The following SYN3 variants were observed in gnomAD, a reference collection of about 807,000 sequenced individuals.
SYN3 encodes the protein synapsin-3.
A neutral mutation model predicts 65.8 loss-of-function variants in SYN3; 35 were observed. The observed-to-expected ratio is 0.53, with a 90% CI of 0.41 to 0.70. The LOEUF (loss-of-function observed/expected upper bound fraction) is 0.70, where lower values mean the gene tolerates loss of function less well. Among genes scored for constraint, SYN3 ranks in the 30% least tolerant of loss-of-function variants. The pLI is 0.00. For synonymous variants in SYN3, 270 were observed against 292.9 expected (o/e 0.92, Z 0.80); for missense variants, 680 against 749.0 (o/e 0.91, Z 1.08).
At chr22:32,956,258 T>A (rs1436119852) in intron 3 of SYN3, among the ~76,000 whole-genome samples, 2 of 150,948 alleles carry the variant, frequency 1.3e-5, no homozygotes, top group African/African-American at 4.9e-5. Context: ...TGGGTTCAAG[T>A]GATTCTCCTG....
intron 7 of SYN3, among the ~76,000 whole-genome samples, chr22:32,562,600 C>T (rs1173838303): frequency 6.6e-6 from 1 of 152,208 alleles, no homozygotes; most frequent in Non-Finnish European, 1.5e-5. Flanking sequence ...CGGCTCTGCC[C>T]CCTGTCAGCA....
intron 7 of SYN3, among the ~76,000 whole-genome samples, chr22:32,589,009 C>T (rs747070772): frequency 8.5e-5 from 13 of 152,104 alleles, no homozygotes; most frequent in South Asian, 2.1e-4. Context: ...CTGAATAGCC[C>T]GCCTCTTAAT....
intron 6 of SYN3, among the ~76,000 whole-genome samples, chr22:32,791,804 A>G (rs1270218373): frequency 6.6e-6 from 1 of 152,048 alleles, no homozygotes; most frequent in African/African-American, 2.4e-5. Flanking sequence ...GTACAAATTA[A>G]TATATGCAAA....
Position 32,632,667 on chromosome 22 carries a change from G to A in SYN3, c.712-35931C>T, listed in dbSNP as rs138917169. ...AAGCTAGGGGCAGAGCAAAGGCCCTGTAGGCATTCAACAGCTGTTTGGCAA... is the reference window on the plus strand; with the variant it reads ...AAGCTAGGGGCAGAGCAAAGGCCCTATAGGCATTCAACAGCTGTTTGGCAA... On this transcript the variant is annotated intron_variant, in intron 6 of 13. Transcript: ENST00000358763. 2.9e-3 allele frequency among the ~76,000 whole-genome samples: 435 copies of A among 152,292 alleles called. No homozygotes were observed. The Middle Eastern group carries it at 0.031, about 11-fold the overall frequency.
In SYN3 at chr22:32,654,017, C is replaced by G. The variant is rs1355964797; in HGVS notation, c.712-57281G>C. Reference sequence around the variant, plus strand: ...CCAACACGTTCTCTGCTTACCTGGACCAGGGACAGAAGAAGATCTTCCTGC... The same window carrying G: ...CCAACACGTTCTCTGCTTACCTGGAGCAGGGACAGAAGAAGATCTTCCTGC... On this transcript the variant is annotated intron_variant, in intron 6 of 13. Transcript: ENST00000358763. Among the ~76,000 whole-genome samples, 3 of 152,200 alleles carry G rather than the reference C, an allele frequency of 2.0e-5. No individual in the cohort carries two copies. In the South Asian group the frequency reaches 6.2e-4, roughly 31 times the overall value.
chr22:32,686,196 C>G (rs1601912252), intron 6 of SYN3, among the ~76,000 whole-genome samples: 1 of 151,988 alleles, frequency 6.6e-6, no homozygotes. Flanking sequence ...TTGAGTTACT[C>G]TCTTATCATT....
intron 6 of SYN3, among the ~76,000 whole-genome samples, chr22:32,674,127 G>A (rs1269560978): frequency 6.6e-6 from 1 of 152,170 alleles, no homozygotes; most frequent in Non-Finnish European, 1.5e-5. Context: ...CTAGATATGG[G>A]TAGAGTAGGA....
At chr22:32,535,028 G>T (rs1426310391) in intron 9 of SYN3, among the ~76,000 whole-genome samples, 2 of 152,270 alleles carry the variant, frequency 1.3e-5, no homozygotes, top group Non-Finnish European at 2.9e-5. Flanking sequence ...AGGCATTCTG[G>T]GCCCGGGGGC....
Position 32,931,460 on chromosome 22 carries a change from G to A in SYN3, c.391C>T (p.Leu131=), listed in dbSNP as rs760203880. Residue 131 remains leucine (L), a synonymous_variant, in exon 4 of 14, where the codon CTA becomes TTA. Transcript: ENST00000358763. The part of the protein sequence containing the change: ...VEQAEFSELN[L]AAYVTGGCMV... ...CAGCCCCCGGTCACATAGGCAGCTA[G>A]GTTCAACTCTGAGAATTCAGCCTGA... 2.5e-6 allele frequency: 4 copies of A among 1,613,718 alleles called. No individual in the cohort carries two copies. The East Asian group carries it at 8.9e-5, about 36-fold the overall frequency.
chr22:32,967,932 G>A (rs1258055076), intron 3 of SYN3, among the ~76,000 whole-genome samples: 1 of 152,234 alleles, frequency 6.6e-6, no homozygotes, highest in Non-Finnish European at 1.5e-5. Flanking sequence ...GAGAAGTGGT[G>A]TAACCAGGGG....
At chr22:32,929,213 C>T (rs572872593) in intron 4 of SYN3, among the ~76,000 whole-genome samples, 3 of 152,198 alleles carry the variant, frequency 2.0e-5, no homozygotes, top group South Asian at 2.1e-4. Flanking sequence ...ACCTGGGAGG[C>T]GGAGGTTGCA....
chr22:32,765,762 G>C (rs1366375293), intron 6 of SYN3, among the ~76,000 whole-genome samples: 1 of 152,110 alleles, frequency 6.6e-6, no homozygotes, highest in Non-Finnish European at 1.5e-5. Flanking sequence ...GACAAAGATT[G>C]GGTGTTCAAA....
At position 32,518,036 on chromosome 22, in the gene SYN3, CACTT is replaced by C; in HGVS notation, c.1610+3_1610+6del. On this transcript the variant is annotated splice_donor_5th_base_variant and intron_variant, in intron 13 of 13. Coordinates refer to ENST00000358763, the MANE Select transcript of SYN3 (RefSeq NM_003490.4). Reference sequence around the variant, plus strand: ...CCTATACCTTTTCCAATTCCCAAAGCACTTACTTGAGATGCGGATGGGGTGGTGC... The same window carrying C: ...CCTATACCTTTTCCAATTCCCAAAGCACTTGAGATGCGGATGGGGTGGTGC... 1 of 1,514,636 alleles carries C rather than the reference CACTT, an allele frequency of 6.6e-7. No individual in the cohort carries two copies. Among genetic ancestry groups the C allele is most frequent in the Admixed American group, 2.3e-5 (1 of 43,648 alleles). 93.8% of individuals were successfully genotyped at this position (1,514,636 alleles called of 1,614,324 possible).
chr22:32,794,025 G>A (rs2145891706), intron 6 of SYN3, among the ~76,000 whole-genome samples: 1 of 152,336 alleles, frequency 6.6e-6, no homozygotes, highest in East Asian at 1.9e-4. Context: ...CTGGTGCTGA[G>A]AACCAAGAAG....
chr22:32,989,973 T>C (rs531146770), intron 2 of SYN3, among the ~76,000 whole-genome samples: 5 of 152,150 alleles, frequency 3.3e-5, no homozygotes, highest in Non-Finnish European at 7.3e-5. Context: ...GGGTTAACGT[T>C]TGGAAGGCTA....
At chr22:32,968,852 AC>A (rs34495336) in intron 3 of SYN3, among the ~76,000 whole-genome samples, 30,737 of 152,140 alleles carry the variant, frequency 0.2, 3,504 homozygotes, top group Non-Finnish European at 0.26. Flanking sequence ...CAGATAAAGA[AC>A]CCTTTGAGTG....
intron 4 of SYN3, among the ~76,000 whole-genome samples, chr22:32,890,906 T>A (rs566097742): frequency 6.6e-6 from 1 of 152,278 alleles, no homozygotes; most frequent in South Asian, 2.1e-4. Context: ...CTGCAAAGGA[T>A]GCAATGGTAA....
chr22:32,645,798 C>T (rs975283345), intron 6 of SYN3, among the ~76,000 whole-genome samples: 2 of 149,858 alleles, frequency 1.3e-5, no homozygotes, highest in South Asian at 2.1e-4. Flanking sequence ...GGGAGAAATA[C>T]GGTATGTAAG....
At chr22:33,033,514 T>C (rs1436137770) in intron 1 of SYN3, among the ~76,000 whole-genome samples, 1 of 152,136 alleles carries the variant, frequency 6.6e-6, no homozygotes, top group African/African-American at 2.4e-5. Context: ...GTATTTTCTG[T>C]TTAGCCAGAG....
Sources: allele counts gnomAD v4.1 joint callset (sites outside exome capture counted in the v4.1 genomes callset), GRCh38; gene constraint gnomAD v4.1.1; transcripts MANE v1.5; gene names NCBI Gene and HGNC (gene_info 2026-07-23, HGNC 2026-07-21).